The following MDGA2 variants were observed in gnomAD, a reference collection of about 807,000 sequenced individuals.
The protein encoded by MDGA2 is MAM domain-containing glycosylphosphatidylinositol anchor protein 2.
MDGA2 carries 40 observed loss-of-function variants against 117.8 expected under a neutral mutation model. The observed-to-expected ratio is 0.34, with a 90% confidence interval of 0.26 to 0.44. The LOEUF is 0.44. MDGA2 is among the 20% of genes least tolerant of loss of function. The probability of loss-of-function intolerance (pLI) is 1.00; values close to 1 mark genes in which losing one functional copy is unlikely to be tolerated. For missense variants in MDGA2, 1,123 were observed against 1,250.6 expected (o/e 0.90, Z 1.54); for synonymous variants, 452 against 439.0 (o/e 1.03, Z -0.37).
chr14:47,592,146 C>T (rs1025725394), intron 1 of MDGA2, among the ~76,000 whole-genome samples: 11 of 151,734 alleles, frequency 7.2e-5, no homozygotes, highest in African/African-American at 1.7e-4. Flanking sequence ...TCATTACTGC[C>T]GCAAAGAGAA....
At chr14:47,603,858 T>G (rs2138885358) in intron 1 of MDGA2, among the ~76,000 whole-genome samples, 1 of 152,254 alleles carries the variant, frequency 6.6e-6, no homozygotes, top group Middle Eastern at 3.4e-3. Flanking sequence ...TTTCTATTTG[T>G]GAGTTCACGC....
chr14:47,554,460 T>C (rs1356925651), intron 1 of MDGA2, among the ~76,000 whole-genome samples: 1 of 152,180 alleles, frequency 6.6e-6, no homozygotes, highest in African/African-American at 2.4e-5. Context: ...AATGAATATC[T>C]GGTGGATAGG....
At chr14:47,603,689 C>G (rs1272235797) in intron 1 of MDGA2, among the ~76,000 whole-genome samples, 1 of 152,012 alleles carries the variant, frequency 6.6e-6, no homozygotes, top group Non-Finnish European at 1.5e-5. Context: ...CTTCTCCTAC[C>G]CAGCACCCAT....
At chr14:46,954,641 A>G (rs1339474898) in intron 9 of MDGA2, among the ~76,000 whole-genome samples, 1 of 152,122 alleles carries the variant, frequency 6.6e-6, no homozygotes, top group South Asian at 2.1e-4. Flanking sequence ...CCTCTCTCTT[A>G]TAAGAATACA....
In MDGA2 at chr14:47,058,655, T is replaced by C. The variant is rs1889768969; in HGVS notation, c.1525+2594A>G. ...CATTTTAATGATGTCAGTTGAATCA[T>C]ACAATCTCAGATTTATAGAACTTTA... is the stretch of plus-strand genomic sequence containing the variant. On this transcript the variant is annotated intron_variant, in intron 7 of 16. Coordinates refer to ENST00000399232, the MANE Select transcript of MDGA2 (RefSeq NM_001113498.3). 1.5e-5 allele frequency: 15 copies of C among 985,092 alleles called. No homozygotes were observed. In the South Asian group the frequency reaches 5.2e-4, roughly 34 times the overall value. The allele number at this position is 985,092 out of a possible 1,614,324, so 61.0% of individuals were successfully genotyped here. A position where few individuals can be genotyped will look rare whatever the true frequency, so the allele number is the denominator to read the frequency against.
intron 1 of MDGA2, among the ~76,000 whole-genome samples, chr14:47,613,520 CACCA>C (rs967396705): frequency 1.3e-5 from 2 of 151,712 alleles, no homozygotes; most frequent in East Asian, 1.9e-4. Context: ...CACGCACACC[CACCA>C]ACCATCCCAG....
chr14:47,132,516 A>C (rs1447762411), intron 4 of MDGA2, among the ~76,000 whole-genome samples: 1 of 151,864 alleles, frequency 6.6e-6, no homozygotes, highest in African/African-American at 2.4e-5. Context: ...GATAGATGCA[A>C]ATCAAGCAAG....
chr14:47,011,550 C>G (rs1594524491), intron 8 of MDGA2, among the ~76,000 whole-genome samples: 2 of 151,950 alleles, frequency 1.3e-5, no homozygotes, highest in South Asian at 4.1e-4. Context: ...ACTGGGAGTT[C>G]TAGAAATAAA....
chr14:47,169,245 A>G (rs997960327), intron 3 of MDGA2, among the ~76,000 whole-genome samples: 36 of 151,988 alleles, frequency 2.4e-4, no homozygotes, highest in African/African-American at 8.2e-4. Flanking sequence ...ATAACATTTG[A>G]CAACTTTAAC....
chr14:46,931,889 T>C lies in MDGA2; in HGVS notation c.2090-11729A>G, dbSNP rs191099557. On this transcript the variant is annotated intron_variant, in intron 9 of 16. Transcript: ENST00000399232. ...GTAGTCATATGAATAAAAACATTTT[T>C]AAATTTTTCATTAAATTTTTATTTA... 5.3e-3 allele frequency among the ~76,000 whole-genome samples: 812 copies of C among 152,190 alleles called. 13 individuals are homozygous for C. The highest frequency in any genetic ancestry group is 0.019 in the African/African-American group (786 of 41,522).
chr14:47,159,169 A>G (rs1361176655), intron 3 of MDGA2, among the ~76,000 whole-genome samples: 2 of 152,196 alleles, frequency 1.3e-5, no homozygotes, highest in African/African-American at 4.8e-5. Flanking sequence ...TTAAGAGTGA[A>G]GCCTAATGTA....
chr14:47,069,049 T>C (rs182155724), intron 6 of MDGA2, among the ~76,000 whole-genome samples: 29 of 152,290 alleles, frequency 1.9e-4, no homozygotes, highest in Admixed American at 1.2e-3. Context: ...CTGAAACTTG[T>C]TTAGGTCACT....
In MDGA2 at chr14:47,411,345, A is replaced by G. The variant is rs565713082; in HGVS notation, c.281-109795T>C. Among the ~76,000 whole-genome samples the G allele has an allele frequency of 2.0e-5, 3 of 152,292 alleles. No homozygotes were observed. The South Asian group carries it at 6.2e-4, about 32-fold the overall frequency. ...AGAGGGAAAGAAAACTAAGGCATGT[A>G]TATAAGTGGCTAATGTGGTGGGGTT... is the stretch of plus-strand genomic sequence containing the variant. On this transcript the variant is annotated intron_variant, in intron 1 of 16. Coordinates refer to ENST00000399232, the MANE Select transcript of MDGA2 (RefSeq NM_001113498.3).
At chr14:47,597,391 T>G (rs1435795980) in intron 1 of MDGA2, among the ~76,000 whole-genome samples, 1 of 152,088 alleles carries the variant, frequency 6.6e-6, no homozygotes, top group Non-Finnish European at 1.5e-5. Context: ...AGGTGACAAT[T>G]TCCTGTATTT....
intron 1 of MDGA2, among the ~76,000 whole-genome samples, chr14:47,469,700 T>C (rs992597229): frequency 2.0e-5 from 3 of 152,066 alleles, no homozygotes; most frequent in Admixed American, 1.3e-4. Context: ...AATGGTATTT[T>C]TAGTTCAAGA....
intron 1 of MDGA2, among the ~76,000 whole-genome samples, chr14:47,378,621 T>C (rs1180760815): frequency 1.3e-5 from 2 of 151,978 alleles, no homozygotes; most frequent in African/African-American, 2.4e-5. Context: ...GTATCAGTGA[T>C]TGAAGATCAA....
intron 1 of MDGA2, among the ~76,000 whole-genome samples, chr14:47,383,655 T>C (rs541629803): frequency 1.3e-5 from 2 of 152,130 alleles, no homozygotes; most frequent in South Asian, 4.1e-4. Flanking sequence ...TCTCCTGCCT[T>C]AGTCTCCTGA....
chr14:46,988,846 A>AT (rs545349628), intron 8 of MDGA2, among the ~76,000 whole-genome samples: 94 of 152,074 alleles, frequency 6.2e-4, no homozygotes, highest in Admixed American at 1.2e-3. Context: ...TTTCTCCACC[A>AT]TGACGCTTGG....
intron 1 of MDGA2, among the ~76,000 whole-genome samples, chr14:47,517,019 T>G (rs987774845): frequency 2.0e-5 from 3 of 152,060 alleles, no homozygotes; most frequent in Non-Finnish European, 2.9e-5. Flanking sequence ...AAGAAACAAT[T>G]GGAAGGAATC....
Sources: gnomAD v4.1 joint callset for allele counts (sites outside exome capture counted in the v4.1 genomes callset) on GRCh38, gnomAD v4.1.1 for gene constraint, MANE v1.5 for transcripts, NCBI Gene and HGNC (gene_info 2026-07-23, HGNC 2026-07-21) for gene names.